The following RNF19B variants were observed in gnomAD, a reference collection of about 807,000 sequenced individuals.
RNF19B encodes E3 ubiquitin-protein ligase RNF19B.
RNF19B carries 23 observed loss-of-function variants against 65.5 expected under a neutral mutation model. That is an observed-to-expected ratio of 0.35 (90% CI 0.25 to 0.50). The LOEUF is 0.50. Among genes scored for constraint, RNF19B ranks in the 20% least tolerant of loss-of-function variants. RNF19B has a pLI of 0.98. For missense variants in RNF19B, 794 were observed against 980.0 expected (o/e 0.81, Z 2.53); for synonymous variants, 372 against 379.6 (o/e 0.98, Z 0.23).
At position 32,938,463 on chromosome 1, in the gene RNF19B, A is replaced by G. The variant is rs759993810; in HGVS notation, c.1676T>C (p.Ile559Thr). The G allele has an allele frequency of 4.3e-6, 7 of 1,614,190 alleles. No homozygotes were observed. In the East Asian group the frequency reaches 1.6e-4, roughly 36 times the overall value. Residue 559 changes from isoleucine to threonine, a missense_variant, in exon 8 of 9, where the codon ATT becomes ACT. Transcript: ENST00000235150. Reference sequence around the variant, plus strand: ...AGCACGAGTGCTTGCGTTGTCACTAATTGCACCAAGACTGGCTGTGTCTTT... The same window carrying G: ...AGCACGAGTGCTTGCGTTGTCACTAGTTGCACCAAGACTGGCTGTGTCTTT... ...FPKDTASLGA[I>T]SDNASTRAMA...
intron 1 of RNF19B, among the ~76,000 whole-genome samples, chr1:32,956,566 A>G (rs900952690): frequency 2.0e-5 from 3 of 152,050 alleles, no homozygotes; most frequent in African/African-American, 7.2e-5. Flanking sequence ...ACAGAGTTAA[A>G]CCCTATCTCA....
intron 1 of RNF19B, among the ~76,000 whole-genome samples, chr1:32,960,435 C>T (rs1332509677): frequency 6.6e-6 from 1 of 152,100 alleles, no homozygotes; most frequent in Admixed American, 6.6e-5. Flanking sequence ...TTATCAATGA[C>T]CTCTACCAGC....
downstream of RNF19B, among the ~76,000 whole-genome samples, chr1:32,936,191 G>T (rs1234681492): frequency 6.6e-6 from 1 of 152,184 alleles, no homozygotes; most frequent in Non-Finnish European, 1.5e-5. Flanking sequence ...AACAAAGTTA[G>T]TTTTAATCTA....
rs988155809 is a variant in RNF19B, at chr1:32,936,471, A to G, written c.*335T>C. The stretch of plus-strand genomic sequence containing the variant: ...AAGTTGAATTATGACAGAAATCTTT[A>G]TTAAAATGTGTCTTTCAGTAATATG... On this transcript the variant is annotated 3_prime_UTR_variant, in exon 9 of 9. Coordinates refer to ENST00000235150, the MANE Select transcript of RNF19B (RefSeq NM_001300826.2). The G allele has an allele frequency of 5.5e-6, 1 of 181,704 alleles. No individual in the cohort carries two copies. The highest frequency in any genetic ancestry group is 2.3e-5 in the African/African-American group (1 of 42,576). The allele number at this position is 181,704 out of a possible 1,614,324, so 11.3% of individuals were successfully genotyped here.
intron 1 of RNF19B, 34 bp from the exon 2 acceptor site, chr1:32,949,808 G>GT (rs11408991): frequency 0.095 from 146,536 of 1,537,400 alleles, 10,011 homozygotes; most frequent in African/African-American, 0.32. Flanking sequence ...TACCAGTAAG[G>GT]TAAGAATGAT....
intron 1 of RNF19B, among the ~76,000 whole-genome samples, chr1:32,954,076 AT>A (rs2124168623): frequency 6.6e-6 from 1 of 150,444 alleles, no homozygotes; most frequent in East Asian, 2.0e-4. Flanking sequence ...GCCCAGCTAC[AT>A]TTTTTGTATT....
At chr1:32,942,997 C>T (rs755324562) in intron 6 of RNF19B, among the ~76,000 whole-genome samples, 2 of 151,434 alleles carry the variant, frequency 1.3e-5, no homozygotes, top group Non-Finnish European at 2.9e-5. Context: ...AAAATTTAGC[C>T]GGGCGTGGTG....
Position 32,964,539 on chromosome 1 carries a change from C to A in RNF19B, c.147G>T (p.Arg49=). Residue 49 remains arginine, a synonymous_variant, in exon 1 of 9, where the codon CGG becomes CGT. Coordinates refer to ENST00000235150, the MANE Select transcript of RNF19B (RefSeq NM_001300826.2). The surrounding 1 kb of genome is among the most constrained non-coding windows in gnomAD (Gnocchi z 6.5). ...GCGGCGGCTCGGCCTGCGGCTTGGCCCGGGCGCGGCGGCCGCGGGCCGAGG... is the reference window on the plus strand; with the variant it reads ...GCGGCGGCTCGGCCTGCGGCTTGGCACGGGCGCGGCGGCCGCGGGCCGAGG... ...FSASARGRRA[R]AKPQAEPPPP... The A allele has an allele frequency of 8.5e-7, 1 of 1,183,100 alleles. No individual in the cohort carries two copies. Among genetic ancestry groups the A allele is most frequent in the Non-Finnish European group, 1.1e-6 (1 of 950,286 alleles). 73.3% of individuals were successfully genotyped at this position (1,183,100 alleles called of 1,614,324 possible).
At chr1:32,941,356 A>C (rs1311641174) in intron 7 of RNF19B, among the ~76,000 whole-genome samples, 1 of 152,084 alleles carries the variant, frequency 6.6e-6, no homozygotes, top group Admixed American at 6.6e-5. Context: ...CAGCCTGGCC[A>C]ACATGAAACC....
At chr1:32,944,760 C>T (rs921823465) in intron 5 of RNF19B, among the ~76,000 whole-genome samples, 29 of 151,824 alleles carry the variant, frequency 1.9e-4, no homozygotes, top group African/African-American at 6.8e-4. Context: ...ACGATCTCGG[C>T]TCACTGCAAG....
Position 32,938,481 on chromosome 1 carries a change from G to GT in RNF19B, c.1657dup (p.Thr553AsnfsTer8). On this transcript the variant is annotated frameshift_variant, in exon 8 of 9. Coordinates refer to ENST00000235150, the MANE Select transcript of RNF19B (RefSeq NM_001300826.2). LOFTEE classifies it high-confidence loss of function. ...GTCACTAATTGCACCAAGACTGGCTGTGTCTTTGGGGAAAATTTCCTTTTG... is the reference window on the plus strand; with the variant it reads ...GTCACTAATTGCACCAAGACTGGCTGTTGTCTTTGGGGAAAATTTCCTTTTG... The GT allele has an allele frequency of 6.2e-7, 1 of 1,614,186 alleles. No homozygotes were observed. Among genetic ancestry groups the GT allele is most frequent in the Non-Finnish European group, 8.5e-7 (1 of 1,180,008 alleles).
Position 32,964,491 on chromosome 1 carries a change from G to A in RNF19B, c.195C>T (p.Pro65=), listed in dbSNP as rs1265704525. Reference sequence around the variant, plus strand: ...CCTGGGCCGCGGCAGGGGCCGGGGCGGGCGGCGGCTGCGCAGCCGGGGGCG... The same window carrying A: ...CCTGGGCCGCGGCAGGGGCCGGGGCAGGCGGCGGCTGCGCAGCCGGGGGCG... ...EPPPPAAQPP[P]APAPAAAQGP... Residue 65 remains proline, a synonymous_variant, in exon 1 of 9, where the codon CCC becomes CCT. Transcript: ENST00000235150. This position sits in a 1 kb window ranked among gnomAD's most constrained non-coding sequence, Gnocchi z 6.5. 1 of 947,192 alleles carries A rather than the reference G, an allele frequency of 1.1e-6. No homozygotes were observed. The highest frequency in any genetic ancestry group is 1.3e-6 in the Non-Finnish European group (1 of 798,458). The allele number at this position is 947,192 out of a possible 1,614,324, so 58.7% of individuals were successfully genotyped here.
rs1209217145 is a variant in RNF19B, at chr1:32,936,630, A to T, written c.*176T>A. On this transcript the variant is annotated 3_prime_UTR_variant, in exon 9 of 9. Coordinates refer to ENST00000235150, the MANE Select transcript of RNF19B (RefSeq NM_001300826.2). ...GAGGGGAACTAACGGCAAACTTTTC[A>T]TGTTTTATCTGGTAAGAAATTGTGA... 3.1e-6 allele frequency: 2 copies of T among 648,822 alleles called. No individual in the cohort carries two copies. The highest frequency in any genetic ancestry group is 3.7e-5 in the African/African-American group (2 of 54,172). The allele number at this position is 648,822 out of a possible 1,614,324, so 40.2% of individuals were successfully genotyped here.
intron 1 of RNF19B, among the ~76,000 whole-genome samples, chr1:32,952,962 A>ATTTTTT (rs71278768): frequency 1.7e-5 from 2 of 120,038 alleles, no homozygotes; most frequent in Non-Finnish European, 3.4e-5. Flanking sequence ...TAATCACACA[A>ATTTTTT]TTTTTTTTTT....
At position 32,949,715 on chromosome 1, in the gene RNF19B, C is replaced by A. The variant is rs746266218; in HGVS notation, c.695G>T (p.Gly232Val). ...SCPKLTCERE[G>V]CQTEFCYHCK... is the part of the protein sequence containing the mutation. ...GTGGTAGCAGAACTCAGTCTGGCAA[C>A]CTTCCCTCTCACAAGTTAGCTTCGG... The change falls in exon 2 of 9, where the codon GGT (glycine) becomes GTT (valine). Residue 232 changes from glycine to valine, a missense_variant. Physicochemically the swap from Gly to Val is moderately radical, Grantham distance 109. Around this residue, in one of 3 missense-constraint regions of RNF19B, gnomAD observed 374 missense variants for 423.8 expected, o/e 0.88. Transcript: ENST00000235150. 6.2e-7 allele frequency: 1 copy of A among 1,613,760 alleles called. No homozygotes were observed. Among genetic ancestry groups the A allele is most frequent in the Non-Finnish European group, 8.5e-7 (1 of 1,180,008 alleles).
At chr1:32,943,486 C>T (rs1642288249) in intron 6 of RNF19B, among the ~76,000 whole-genome samples, 1 of 151,168 alleles carries the variant, frequency 6.6e-6, no homozygotes, top group South Asian at 2.1e-4. Context: ...CGTGGTGGCA[C>T]GTTGCTGTAG....
At chr1:32,963,735 A>G (rs1390448117) in intron 1 of RNF19B, among the ~76,000 whole-genome samples, 1 of 150,864 alleles carries the variant, frequency 6.6e-6, no homozygotes, top group Admixed American at 6.6e-5. Context: ...AAAAAGAAAA[A>G]AAAAAAAAGA....
intron 1 of RNF19B, among the ~76,000 whole-genome samples, chr1:32,956,472 G>T (rs1376616368): frequency 6.6e-6 from 1 of 152,182 alleles, no homozygotes; most frequent in African/African-American, 2.4e-5. Flanking sequence ...GGAGGCTGAG[G>T]TGGGAGGATC....
At chr1:32,958,280 G>A (rs898780221) in intron 1 of RNF19B, among the ~76,000 whole-genome samples, 1 of 152,158 alleles carries the variant, frequency 6.6e-6, no homozygotes, top group African/African-American at 2.4e-5. Context: ...AAAGATTTAA[G>A]AAACTCATAA....
Sources: gnomAD v4.1 joint callset for allele counts (sites outside exome capture counted in the v4.1 genomes callset) on GRCh38, gnomAD v4.1.1 for gene constraint, gnomAD v4.1.1 regional missense constraint, Gnocchi (gnomAD v3.1) non-coding constraint, MANE v1.5 for transcripts, NCBI Gene and HGNC (gene_info 2026-07-23, HGNC 2026-07-21) for gene names.